FAM174A: variants seen among roughly 807,000 people sequenced by gnomAD.
FAM174A encodes the protein membrane protein FAM174A.
A neutral mutation model predicts 14.3 loss-of-function variants in FAM174A; 14 were observed. The observed-to-expected ratio is 0.98, with a 90% CI of 0.65 to 1.53. The LOEUF (loss-of-function observed/expected upper bound fraction) is 1.53, where lower values mean the gene tolerates loss of function less well. FAM174A is among the 40% of genes most tolerant of loss of function. The pLI is 0.00. For synonymous variants in FAM174A, 108 were observed against 111.4 expected, an observed-to-expected ratio of 0.97 and a Z score of 0.19; for missense variants, 241 against 249.6, an observed-to-expected ratio of 0.97 and a Z score of 0.23.
intron 2 of FAM174A, among the ~76,000 whole-genome samples, chr5:100,564,277 C>G (rs1746591658): frequency 1.3e-5 from 2 of 151,556 alleles, no homozygotes; most frequent in African/African-American, 4.8e-5. Context: ...ACAACACACT[C>G]TTGAGCAATT....
intron 1 of FAM174A, among the ~76,000 whole-genome samples, chr5:100,559,540 T>G (rs1015157153): frequency 6.6e-6 from 1 of 152,052 alleles, no homozygotes; most frequent in African/African-American, 2.4e-5. Context: ...TCCTGCAGAG[T>G]ATTTTCCAAC....
At chr5:100,576,458 T>C (rs748918744) in intron 2 of FAM174A, among the ~76,000 whole-genome samples, 74 of 152,190 alleles carry the variant, frequency 4.9e-4, no homozygotes, top group Admixed American at 2.8e-3. Flanking sequence ...CCACACTCTT[T>C]TATGTCTCTT....
At chr5:100,571,682 A>G (rs1208013557) in intron 2 of FAM174A, among the ~76,000 whole-genome samples, 1 of 146,708 alleles carries the variant, frequency 6.8e-6, no homozygotes, top group Non-Finnish European at 1.5e-5. Flanking sequence ...GTATATATAT[A>G]TATATATATA....
intron 2 of FAM174A, among the ~76,000 whole-genome samples, chr5:100,575,332 G>T (rs935321922): frequency 6.6e-6 from 1 of 151,890 alleles, no homozygotes; most frequent in Non-Finnish European, 1.5e-5. Context: ...TACATATGCC[G>T]TGTTGGTGTG....
chr5:100,568,742 A>C (rs1053612444), intron 2 of FAM174A, among the ~76,000 whole-genome samples: 1 of 151,860 alleles, frequency 6.6e-6, no homozygotes, highest in South Asian at 2.1e-4. Flanking sequence ...CTAAAAAAAA[A>C]TGAAAGTTTG....
intron 1 of FAM174A, among the ~76,000 whole-genome samples, chr5:100,539,839 C>G (rs911421754): frequency 1.3e-5 from 2 of 152,156 alleles, no homozygotes; most frequent in Non-Finnish European, 2.9e-5. Context: ...AGTATATGCC[C>G]AGTGCCTTTC....
chr5:100,549,982 A>G (rs1320375722), intron 1 of FAM174A, among the ~76,000 whole-genome samples: 1 of 152,164 alleles, frequency 6.6e-6, no homozygotes, highest in African/African-American at 2.4e-5. Flanking sequence ...ATACAGTTCT[A>G]TATAGAATGC....
At chr5:100,553,127 T>C (rs762718717) in intron 1 of FAM174A, among the ~76,000 whole-genome samples, 18 of 152,236 alleles carry the variant, frequency 1.2e-4, no homozygotes, top group Non-Finnish European at 2.6e-4. Flanking sequence ...TTGAGTGTCA[T>C]GAGCCTAATG....
chr5:100,580,894 C>A (rs1287944678), intron 2 of FAM174A, among the ~76,000 whole-genome samples: 2 of 152,110 alleles, frequency 1.3e-5, no homozygotes, highest in African/African-American at 4.8e-5. Context: ...ACTCCTGGTT[C>A]TGTTGCAGAG....
chr5:100,573,750 A>G (rs1746842893), intron 2 of FAM174A, among the ~76,000 whole-genome samples: 1 of 150,864 alleles, frequency 6.6e-6, no homozygotes, highest in Non-Finnish European at 1.5e-5. Flanking sequence ...GGAACCAAAA[A>G]AGAGCCCACA....
At chr5:100,544,470 G>A (rs764421612) in intron 1 of FAM174A, among the ~76,000 whole-genome samples, 1 of 151,856 alleles carries the variant, frequency 6.6e-6, no homozygotes, top group Non-Finnish European at 1.5e-5. Flanking sequence ...GAGAGAGAGG[G>A]GGAAAAGAGG....
intron 1 of FAM174A, among the ~76,000 whole-genome samples, chr5:100,544,345 G>T (rs114027333): frequency 6.6e-6 from 1 of 151,550 alleles, no homozygotes; most frequent in South Asian, 2.1e-4. Context: ...TGAGGCCAAG[G>T]TCATACCCCT....
At chr5:100,580,624 TCTGCCGCTCTGAGTCCA>T (rs1746992710) in intron 2 of FAM174A, among the ~76,000 whole-genome samples, 1 of 152,212 alleles carries the variant, frequency 6.6e-6, no homozygotes. Flanking sequence ...TAAGAGTGGA[TCTGCCGCTCTGAGTCCA>T]CTGACTCAAA....
chr5:100,557,973 C>A (rs1035134960), intron 1 of FAM174A, among the ~76,000 whole-genome samples: 5 of 152,234 alleles, frequency 3.3e-5, no homozygotes, highest in African/African-American at 1.2e-4. Context: ...TTCTTGCCTT[C>A]TGCTAGCTTT....
chr5:100,568,870 G>A (rs1350362080), intron 2 of FAM174A, among the ~76,000 whole-genome samples: 1 of 151,872 alleles, frequency 6.6e-6, no homozygotes. Flanking sequence ...GCTCATAGTA[G>A]TCATTTGAAA....
In FAM174A at chr5:100,535,517, G is replaced by A. The variant is rs1399494758; in HGVS notation, c.-14G>A. On this transcript the variant is annotated 5_prime_UTR_variant, in exon 1 of 3. Transcript: ENST00000312637. ...CTGGCGGCTCCCGGGTGGTGAGAGA[G>A]CGGTCCGGGAACGATGAAGGCCTCG... The A allele has an allele frequency of 3.1e-6, 5 of 1,610,712 alleles. No individual in the cohort carries two copies. The highest frequency in any genetic ancestry group is 4.2e-6 in the Non-Finnish European group (5 of 1,178,784).
In FAM174A at chr5:100,570,948, G is replaced by GT. The variant is rs1208071885; in HGVS notation, c.569+8767dup. Among the ~76,000 whole-genome samples the GT allele has an allele frequency of 9.9e-5, 15 of 151,538 alleles. 1 individual carries two copies. The highest frequency in any genetic ancestry group is 1.3e-4 in the Non-Finnish European group (9 of 67,726). On this transcript the variant is annotated intron_variant, in intron 2 of 2. Transcript: ENST00000312637. ...TTTTCTGCATGTACTGAAAGTGATT[G>GT]TTTTTTTCCTTTCTGTAAATAAACA...
In FAM174A at chr5:100,535,648, G is replaced by A; in HGVS notation, c.118G>A (p.Ala40Thr). The A allele has an allele frequency of 1.2e-6, 2 of 1,612,778 alleles. No homozygotes were observed. Among genetic ancestry groups the A allele is most frequent in the Non-Finnish European group, 1.7e-6 (2 of 1,179,896 alleles). The change falls in exon 1 of 3, where the codon GCG becomes ACG. Residue 40 changes from alanine (A) to threonine (T), a missense_variant. Ala to Thr is a moderately conservative substitution (Grantham distance 58). Coordinates refer to ENST00000312637, the MANE Select transcript of FAM174A (RefSeq NM_198507.3). The stretch of plus-strand genomic sequence containing the variant: ...AGTCCTGCTGCAGGCAGCCGAGGCC[G>A]CGCCAGGTCTTGGGCCTCCTGACCC... ...LAVLLQAAEA[A>T]PGLGPPDPRP...
At chr5:100,575,653 G>A (rs1746888396) in intron 2 of FAM174A, among the ~76,000 whole-genome samples, 1 of 152,140 alleles carries the variant, frequency 6.6e-6, no homozygotes, top group Non-Finnish European at 1.5e-5. Context: ...AACACCAAAA[G>A]CAATGGCAAC....
Sources: gnomAD v4.1 joint callset for allele counts (sites outside exome capture counted in the v4.1 genomes callset) on GRCh38, gnomAD v4.1.1 for gene constraint, MANE v1.5 for transcripts, NCBI Gene and HGNC (gene_info 2026-07-23, HGNC 2026-07-21) for gene names.